ARID1A: variants seen among roughly 807,000 people sequenced by gnomAD.
ARID1A encodes the protein AT-rich interaction domain 1A, also known as AT-rich interactive domain-containing protein 1A.
ARID1A carries 20 observed loss-of-function variants against 212.6 expected under a neutral mutation model. That is an observed-to-expected ratio of 0.09 (90% CI 0.07 to 0.14). The LOEUF is 0.14. Among genes scored for constraint, ARID1A ranks in the 10% least tolerant of loss-of-function variants. The pLI is 1.00. For missense variants in ARID1A, 2,587 were observed against 3,059.0 expected (o/e 0.85, Z 3.64); for synonymous variants, 1,376 against 1,222.1 (o/e 1.13, Z -2.63).
At position 26,772,570 on chromosome 1, in the gene ARID1A, C is replaced by T. The variant is rs775441156; in HGVS notation, c.3477C>T (p.Asp1159=). Residue 1159 remains aspartate, a synonymous_variant, in exon 13 of 20, where the codon GAC becomes GAT. Coordinates refer to ENST00000324856, the MANE Select transcript of ARID1A (RefSeq NM_006015.6). ...STSSSMAEGG[D]LKPPTPASTP... ...GCAGTTCCATGGCAGAAGGAGGAGA[C>T]TTAAAGCCACCAACTCCAGCATCCA... 12 of 1,614,102 alleles carry T rather than the reference C, an allele frequency of 7.4e-6. No homozygotes were observed. The African/African-American group carries it at 9.3e-5, about 13-fold the overall frequency.
chr1:26,737,587 C>T (rs61786507), intron 4 of ARID1A, among the ~76,000 whole-genome samples: 1 of 152,096 alleles, frequency 6.6e-6, no homozygotes, highest in African/African-American at 2.4e-5. Context: ...TGCCCAGGCC[C>T]GAGCACGGTG....
chr1:26,775,835 C>G, intron 19 of ARID1A, 128 bp downstream of exon 19: 1 of 1,383,068 alleles, frequency 7.2e-7, no homozygotes, highest in Non-Finnish European at 1.0e-6. Context: ...CATGCCAGTA[C>G]TTTGCTTCCT....
At chr1:26,741,143 A>G (rs905641593) in intron 4 of ARID1A, among the ~76,000 whole-genome samples, 3 of 152,226 alleles carry the variant, frequency 2.0e-5, no homozygotes, top group African/African-American at 7.2e-5. Flanking sequence ...GTTTAGAGAT[A>G]GAAGCCAGAT....
Position 26,766,449 on chromosome 1 carries a change from T to C in ARID1A, c.2879-8T>C, listed in dbSNP as rs1471654508. The C allele has an allele frequency of 6.2e-7, 1 of 1,613,918 alleles. No homozygotes were observed. Among genetic ancestry groups the C allele is most frequent in the Non-Finnish European group, 8.5e-7 (1 of 1,179,952 alleles). On this transcript the variant is annotated splice_region_variant and splice_polypyrimidine_tract_variant and intron_variant, in intron 9 of 19. Transcript: ENST00000324856. ...TACTGGACTTGAGAATTTTTTTCTCTTTTACAGGGATGGCAGCCAGCCCAG... is the reference window on the plus strand; with the variant it reads ...TACTGGACTTGAGAATTTTTTTCTCCTTTACAGGGATGGCAGCCAGCCCAG...
intron 1 of ARID1A, among the ~76,000 whole-genome samples, chr1:26,718,243 G>A (rs1396006602): frequency 6.6e-6 from 1 of 152,200 alleles, no homozygotes; most frequent in Non-Finnish European, 1.5e-5. Flanking sequence ...CCAAAGTGCT[G>A]GGATTACAGG....
At chr1:26,778,819 G>T (rs1436800062) in intron 19 of ARID1A, 2 of 468,748 alleles carry the variant, frequency 4.3e-6, no homozygotes, top group Non-Finnish European at 7.4e-6. Flanking sequence ...CTTACGTGAA[G>T]GTAGGTTGGG....
intron 3 of ARID1A, 73 bp from the exon 4 acceptor site, chr1:26,732,603 C>G (rs2080690942): frequency 2.5e-6 from 3 of 1,220,184 alleles, no homozygotes; most frequent in Non-Finnish European, 3.6e-6. Flanking sequence ...GTCCCATAAC[C>G]CTTTCACAGT....
chr1:26,761,548 G>T (rs1349704918), intron 6 of ARID1A, 75 bp downstream of exon 6: 1 of 1,426,942 alleles, frequency 7.0e-7, no homozygotes, highest in South Asian at 1.2e-5. Flanking sequence ...AGCTTTTGGA[G>T]AGCTGTTTGA....
chr1:26,748,127 A>G (rs2080854173), intron 4 of ARID1A, among the ~76,000 whole-genome samples: 1 of 152,244 alleles, frequency 6.6e-6, no homozygotes, highest in South Asian at 2.1e-4. Context: ...TTAAGAGTTT[A>G]CAAAACCAAG....
At chr1:26,761,936 C>T (rs1421569703) in intron 6 of ARID1A, among the ~76,000 whole-genome samples, 3 of 152,110 alleles carry the variant, frequency 2.0e-5, no homozygotes, top group Admixed American at 2.0e-4. Flanking sequence ...CTTTTCAAAC[C>T]TCCATTTAGT....
intron 14 of ARID1A, 33 bp from the exon 15 acceptor site, chr1:26,773,313 C>T (rs2124109866): frequency 6.5e-7 from 1 of 1,536,580 alleles, no homozygotes; most frequent in Non-Finnish European, 8.7e-7. Context: ...GTCAACTTAC[C>T]AGTTTGTTCA....
chr1:26,772,624 A>G lies in ARID1A; in HGVS notation c.3531A>G (p.Pro1177=), dbSNP rs764798209. Residue 1177 remains proline, a synonymous_variant, in exon 13 of 20, where the codon CCA becomes CCG. Coordinates refer to ENST00000324856, the MANE Select transcript of ARID1A (RefSeq NM_006015.6). ...STPHSQIPPL[P]GMSRSNSVGI... ...CACACAGTCAGATCCCCCCATTGCC[A>G]GGCATGAGGTAAGGCCAAGAGCAGG... The G allele has an allele frequency of 6.2e-7, 1 of 1,614,230 alleles. No individual in the cohort carries two copies. The highest frequency in any genetic ancestry group is 8.5e-7 in the Non-Finnish European group (1 of 1,180,040).
Position 26,774,461 on chromosome 1 carries a change from C to G in ARID1A, c.4234C>G (p.Pro1412Ala), listed in dbSNP as rs2081114702. ...QQQLPPAQPQ[P>A]ASQQQAAQPS... ...GCAGTTGCCCCCAGCCCAGCCCCAG[C>G]CTGCCAGCCAGCAACAAGCTGCCCA... is the stretch of plus-strand genomic sequence containing the variant. Residue 1412 changes from proline to alanine, a missense_variant, in exon 18 of 20, where the codon CCT (proline) becomes GCT (alanine). Around this residue, in one of 11 missense-constraint regions of ARID1A, gnomAD observed 890 missense variants for 1,098.2 expected, o/e 0.81. Coordinates refer to ENST00000324856, the MANE Select transcript of ARID1A (RefSeq NM_006015.6). This position sits in a 1 kb window ranked among gnomAD's most constrained non-coding sequence, Gnocchi z 5.6. The G allele has an allele frequency of 1.9e-6, 3 of 1,613,760 alleles. No homozygotes were observed. The highest frequency in any genetic ancestry group is 2.5e-6 in the Non-Finnish European group (3 of 1,179,824).
At chr1:26,726,330 C>T (rs1335254413) in intron 1 of ARID1A, among the ~76,000 whole-genome samples, 2 of 151,998 alleles carry the variant, frequency 1.3e-5, no homozygotes, top group African/African-American at 4.8e-5. Flanking sequence ...TGTGCCGCCA[C>T]ACCCAGCTAA....
chr1:26,698,149 T>C (rs1197796980), intron 1 of ARID1A, among the ~76,000 whole-genome samples: 1 of 152,236 alleles, frequency 6.6e-6, no homozygotes, highest in Non-Finnish European at 1.5e-5. Flanking sequence ...TCCCTGGAAG[T>C]GCTGGTAAAC....
chr1:26,772,770 A>G (rs2124106138), intron 13 of ARID1A, 42 bp from the exon 14 acceptor site: 2 of 1,607,532 alleles, frequency 1.2e-6, no homozygotes, highest in Non-Finnish European at 1.7e-6. Context: ...TATTGGAGGA[A>G]TTGGTTTATT....
intron 1 of ARID1A, among the ~76,000 whole-genome samples, chr1:26,723,193 A>AT (rs942828472): frequency 3.3e-5 from 5 of 152,102 alleles, no homozygotes; most frequent in Admixed American, 1.3e-4. Flanking sequence ...ACATAGGGTG[A>AT]TTTTTTTGGT....
rs1010764343 is a variant in ARID1A, at chr1:26,696,543, G to A, written c.140G>A (p.Arg47His). The A allele has an allele frequency of 2.4e-6, 3 of 1,227,186 alleles. No homozygotes were observed. Among genetic ancestry groups the A allele is most frequent in the East Asian group, 3.3e-5 (1 of 30,590 alleles). The allele number at this position is 1,227,186 out of a possible 1,614,324, so 76.0% of individuals were successfully genotyped here. The part of the protein sequence containing the change: ...GEAAAAAAAE[R>H]GEMKAAAGQE... ...GCGGCGGCGGCGGCAGCGGCCGAGC[G>A]CGGGGAAATGAAGGCAGCCGCCGGG... The change falls in exon 1 of 20, where the codon CGC becomes CAC. Residue 47 changes from arginine to histidine, a missense_variant. Around this residue, in one of 11 missense-constraint regions of ARID1A, gnomAD observed 735 missense variants for 590.6 expected, o/e 1.24. Transcript: ENST00000324856.
Position 26,771,239 on chromosome 1 carries a change from A to C in ARID1A, c.3319A>C (p.Ile1107Leu). 1 of 1,614,174 alleles carries C rather than the reference A, an allele frequency of 6.2e-7. No individual in the cohort carries two copies. Among genetic ancestry groups the C allele is most frequent in the Non-Finnish European group, 8.5e-7 (1 of 1,180,022 alleles). The part of the protein sequence containing the change: ...IQCLYAFECK[I>L]ERGEDPPPDI... ...GTGTCTCTATGCCTTTGAATGCAAG[A>C]TTGAACGGGGAGAAGACCCTCCCCC... The change falls in exon 12 of 20, where the codon ATT becomes CTT. Residue 1107 changes from isoleucine (I) to leucine (L), a missense_variant. Ile to Leu is a conservative substitution (Grantham distance 5, BLOSUM62 2). Transcript: ENST00000324856. This position sits in a 1 kb window ranked among gnomAD's most constrained non-coding sequence, Gnocchi z 5.4.
Sources: allele counts gnomAD v4.1 joint callset (sites outside exome capture counted in the v4.1 genomes callset), GRCh38; gene constraint gnomAD v4.1.1; regional missense constraint gnomAD v4.1.1; non-coding constraint Gnocchi (gnomAD v3.1); transcripts MANE v1.5; gene names NCBI Gene and HGNC (gene_info 2026-07-23, HGNC 2026-07-21).